Variants in RO60 observed in about 807,000 individuals in gnomAD.
The protein encoded by RO60 is Ro60, Y RNA binding protein.
Under a neutral mutation model 55.3 loss-of-function variants are expected in RO60, and 20 were observed. The ratio of observed to expected loss-of-function variants is 0.36; its 90% CI spans 0.25 to 0.53. The LOEUF (loss-of-function observed/expected upper bound fraction) is 0.53. Ranked by LOEUF, RO60 falls within the 20% of genes least tolerant of loss-of-function variation. The probability of loss-of-function intolerance (pLI) is 0.92; values close to 1 mark genes in which losing one functional copy is unlikely to be tolerated. For synonymous variants in RO60, 213 were observed against 213.6 expected, an observed-to-expected ratio of 1.00 and a Z score of 0.02; for missense variants, 558 against 646.6, an observed-to-expected ratio of 0.86 and a Z score of 1.49.
chr1:193,082,223 C>G lies in RO60; in HGVS notation c.1241C>G (p.Ala414Gly). 2 of 1,613,166 alleles carry G rather than the reference C, an allele frequency of 1.2e-6. No individual in the cohort carries two copies. Among genetic ancestry groups the G allele is most frequent in the Non-Finnish European group, 1.7e-6 (2 of 1,179,602 alleles). The change falls in exon 7 of 9, where the codon GCT becomes GGT. Residue 414 changes from alanine to glycine, a missense_variant. Physicochemically the swap from Ala to Gly is moderately conservative, Grantham distance 60. Coordinates refer to ENST00000400968, the MANE Select transcript of RO60 (RefSeq NM_001173524.2). Reference sequence around the variant, plus strand: ...ACAGAAAAAGATTCTTATGTAGTTGCTTTTTCCGATGAAATGGTACCATGT... The same window carrying G: ...ACAGAAAAAGATTCTTATGTAGTTGGTTTTTCCGATGAAATGGTACCATGT... ...TRTEKDSYVV[A>G]FSDEMVPCPV...
chr1:193,072,397 T>TA (rs888349612), intron 2 of RO60, among the ~76,000 whole-genome samples: 2 of 152,126 alleles, frequency 1.3e-5, no homozygotes, highest in Non-Finnish European at 2.9e-5. Context: ...ATTATTTATA[T>TA]ACAGTGCATG....
intron 2 of RO60, among the ~76,000 whole-genome samples, chr1:193,074,563 C>T (rs181372740): frequency 1.2e-3 from 182 of 152,262 alleles, no homozygotes; most frequent in Middle Eastern, 3.4e-3. Flanking sequence ...TCATATCCTT[C>T]GCCCACTTTT....
chr1:193,085,215 G>A lies in RO60; in HGVS notation c.*484G>A. Reference sequence around the variant, plus strand: ...ATCTGTAAACTTTTATACCAAGGGGGTAAAAAAAAAAACTAAGGCATTTGA... The same window carrying A: ...ATCTGTAAACTTTTATACCAAGGGGATAAAAAAAAAAACTAAGGCATTTGA... On this transcript the variant is annotated 3_prime_UTR_variant, in exon 9 of 9. Coordinates refer to ENST00000400968, the MANE Select transcript of RO60 (RefSeq NM_001173524.2). 8.6e-7 allele frequency: 1 copy of A among 1,165,546 alleles called. No homozygotes were observed. The highest frequency in any genetic ancestry group is 1.1e-6 in the Non-Finnish European group (1 of 941,972). The allele number at this position is 1,165,546 out of a possible 1,614,324, so 72.2% of individuals were successfully genotyped here.
At chr1:193,062,608 A>G (rs1387982785) in intron 1 of RO60, among the ~76,000 whole-genome samples, 1 of 152,228 alleles carries the variant, frequency 6.6e-6, no homozygotes, top group Non-Finnish European at 1.5e-5. Flanking sequence ...TTGTGCAGTC[A>G]TCACCACTAA....
intron 8 of RO60, among the ~76,000 whole-genome samples, chr1:193,083,070 T>C (rs898858504): frequency 2.0e-5 from 3 of 152,166 alleles, no homozygotes; most frequent in African/African-American, 7.2e-5. Flanking sequence ...CTTATTCACT[T>C]ATGTGTTTCA....
At chr1:193,064,429 A>C (rs1672978996) in intron 1 of RO60, among the ~76,000 whole-genome samples, 1 of 152,188 alleles carries the variant, frequency 6.6e-6, no homozygotes, top group Admixed American at 6.5e-5. Context: ...GCTGGGTATT[A>C]TGTCCAAAGA....
Position 193,088,855 on chromosome 1 carries a change from ATTAC to A in RO60, c.*4127_*4130del, listed in dbSNP as rs1674738039. Reference sequence around the variant, plus strand: ...TTCCTCATCTCTTATTTGTTGGAAGATTACTTTTCTACCTCTTTTTTTTCTTTTA... The same window carrying A: ...TTCCTCATCTCTTATTTGTTGGAAGATTTTCTACCTCTTTTTTTTCTTTTA... On this transcript the variant is annotated 3_prime_UTR_variant, in exon 9 of 9. Transcript: ENST00000400968. 1.3e-5 allele frequency: 2 copies of A among 152,114 alleles called. No homozygotes were observed. The highest frequency in any genetic ancestry group is 4.1e-4 in the South Asian group (2 of 4,830). 9.4% of individuals were successfully genotyped at this position (152,114 alleles called of 1,614,324 possible). A position where few individuals can be genotyped will look rare whatever the true frequency, so the allele number is the denominator to read the frequency against.
chr1:193,059,883 C>A lies in RO60; in HGVS notation c.-22+107C>A, dbSNP rs1396404355. On this transcript the variant is annotated intron_variant, in intron 1 of 8. Coordinates refer to ENST00000400968, the MANE Select transcript of RO60 (RefSeq NM_001173524.2). The surrounding 1 kb of genome is among the most constrained non-coding windows in gnomAD (Gnocchi z 4.9). ...CTCACCCGCATCCCAGGGGTTGAGG[C>A]TGGGCAAACGCCGCGAAACTATCGC... 1 of 1,365,216 alleles carries A rather than the reference C, an allele frequency of 7.3e-7. No individual in the cohort carries two copies. 84.6% of individuals were successfully genotyped at this position (1,365,216 alleles called of 1,614,324 possible).
At chr1:193,060,059 C>G in intron 1 of RO60, 6 of 1,326,232 alleles carry the variant, frequency 4.5e-6, no homozygotes, top group Non-Finnish European at 6.0e-6. Flanking sequence ...TCGCTCCCCA[C>G]AGGCCGACGT....
downstream of RO60, chr1:193,091,616 C>CACTGAT (rs746295789): frequency 6.4e-7 from 1 of 1,574,142 alleles, no homozygotes; most frequent in Non-Finnish European, 8.7e-7. Context: ...AAACAGTTTT[C>CACTGAT]ACTGATACTG....
Position 193,059,634 on chromosome 1 carries a change from T to C in RO60, c.-164T>C. ...AGGACTCGTTCCCGGGAACCGAACC[T>C]GGAATCCCCGGCGGCAGTGGGGCTG... On this transcript the variant is annotated 5_prime_UTR_variant, in exon 1 of 9. Transcript: ENST00000400968. This position sits in a 1 kb window ranked among gnomAD's most constrained non-coding sequence, Gnocchi z 4.9. 1 of 1,398,328 alleles carries C rather than the reference T, an allele frequency of 7.2e-7. No homozygotes were observed. 86.6% of individuals were successfully genotyped at this position (1,398,328 alleles called of 1,614,324 possible).
Position 193,069,146 on chromosome 1 carries a change from A to G in RO60, c.92A>G (p.Asn31Ser). 1 of 1,614,138 alleles carries G rather than the reference A, an allele frequency of 6.2e-7. No homozygotes were observed. Among genetic ancestry groups the G allele is most frequent in the Non-Finnish European group, 8.5e-7 (1 of 1,179,970 alleles). ...TATGTATGGCAAGTCACTGACATGA[A>G]TCGACTACACCGGTTCTTATGTTTC... ...DGYVWQVTDM[N>S]RLHRFLCFGS... The change falls in exon 2 of 9, where the codon AAT becomes AGT. Residue 31 changes from asparagine to serine, a missense_variant. Transcript: ENST00000400968.
intron 1 of RO60, among the ~76,000 whole-genome samples, chr1:193,061,814 C>T (rs1186778863): frequency 6.6e-6 from 1 of 152,134 alleles, no homozygotes; most frequent in Non-Finnish European, 1.5e-5. Flanking sequence ...GAAACCCCGT[C>T]TCTACTAAAC....
At chr1:193,071,575 T>A (rs1054342802) in intron 2 of RO60, among the ~76,000 whole-genome samples, 1 of 152,016 alleles carries the variant, frequency 6.6e-6, no homozygotes, top group Non-Finnish European at 1.5e-5. Context: ...ACTTTCATAA[T>A]GGTTAAATCC....
intron 3 of RO60, among the ~76,000 whole-genome samples, 195 bp from the exon 4 acceptor site, chr1:193,076,306 C>T (rs1306209006): frequency 6.6e-6 from 1 of 152,020 alleles, no homozygotes; most frequent in East Asian, 1.9e-4. Flanking sequence ...AAATATACTT[C>T]ACATCCTTTT....
At chr1:193,080,004 G>A (rs372316338) in intron 5 of RO60, among the ~76,000 whole-genome samples, 7 of 151,142 alleles carry the variant, frequency 4.6e-5, no homozygotes, top group African/African-American at 1.5e-4. Context: ...GGTGGCGGGC[G>A]CCTGTAATCC....
Position 193,084,771 on chromosome 1 carries a change from G to A in RO60, c.*40G>A, listed in dbSNP as rs1430397156. ...ACGATCCAGAGATCCATTGCCATCA[G>A]TGATCTCACTAAAAATATACAGCTA... On this transcript the variant is annotated 3_prime_UTR_variant, in exon 9 of 9. Coordinates refer to ENST00000400968, the MANE Select transcript of RO60 (RefSeq NM_001173524.2). The A allele has an allele frequency of 1.3e-6, 2 of 1,592,542 alleles. No homozygotes were observed. The highest frequency in any genetic ancestry group is 1.1e-5 in the South Asian group (1 of 87,234).
Position 193,059,667 on chromosome 1 carries a change from TGCTGTGGCTGTC to T in RO60, c.-126_-115del. On this transcript the variant is annotated 5_prime_UTR_variant, in exon 1 of 9. Transcript: ENST00000400968. The surrounding 1 kb of genome is among the most constrained non-coding windows in gnomAD (Gnocchi z 4.9). ...CCGGCGGCAGTGGGGCTGTTGCTGT[TGCTGTGGCTGTC>T]GCTGCCCGTCAGGCTGCCTTCTTTT... The T allele has an allele frequency of 2.9e-6, 4 of 1,373,776 alleles. No homozygotes were observed. Among genetic ancestry groups the T allele is most frequent in the Non-Finnish European group, 3.9e-6 (4 of 1,028,752 alleles). The allele number at this position is 1,373,776 out of a possible 1,614,324, so 85.1% of individuals were successfully genotyped here.
chr1:193,082,702 T>C lies in RO60; in HGVS notation c.1458T>C (p.Tyr486=). ...ATCCTGCTATTGCTCTGAGGGAGTATCGAAAGGTAAAACAAATTCTAATAC... is the reference window on the plus strand; with the variant it reads ...ATCCTGCTATTGCTCTGAGGGAGTACCGAAAGGTAAAACAAATTCTAATAC... ...GVHPAIALRE[Y]RKKMDIPAKL... is the part of the protein sequence containing the mutation. Residue 486 remains tyrosine (Y), a synonymous_variant, in exon 8 of 9, where the codon TAT becomes TAC. Transcript: ENST00000400968. 1 of 1,609,096 alleles carries C rather than the reference T, an allele frequency of 6.2e-7. No individual in the cohort carries two copies. Among genetic ancestry groups the C allele is most frequent in the South Asian group, 1.1e-5 (1 of 90,014 alleles).
Sources: allele counts gnomAD v4.1 joint callset (sites outside exome capture counted in the v4.1 genomes callset), GRCh38; gene constraint gnomAD v4.1.1; non-coding constraint Gnocchi (gnomAD v3.1); transcripts MANE v1.5; gene names NCBI Gene and HGNC (gene_info 2026-07-23, HGNC 2026-07-21).